MCTP1: variants seen among roughly 807,000 people sequenced by gnomAD.
MCTP1 encodes the protein multiple C2 and transmembrane domain-containing protein 1.
MCTP1 carries 69 observed loss-of-function variants against 120.6 expected under a neutral mutation model. That is an observed-to-expected ratio of 0.57 (90% CI 0.47 to 0.70). The LOEUF (loss-of-function observed/expected upper bound fraction) is 0.70. Ranked by LOEUF, MCTP1 falls within the 30% of genes least tolerant of loss-of-function variation. The probability of loss-of-function intolerance (pLI) is 0.00; values close to 1 mark genes in which losing one functional copy is unlikely to be tolerated. For synonymous variants in MCTP1, 529 were observed against 493.1 expected (o/e 1.07, Z -0.96); for missense variants, 1,203 against 1,248.8 (o/e 0.96, Z 0.55).
chr5:94,931,139 A>T (rs1245304137), intron 6 of MCTP1: 1 of 152,132 alleles, frequency 6.6e-6, no homozygotes, highest in Non-Finnish European at 1.5e-5. Context: ...TAAAAATGAC[A>T]AAATTAAAGA....
chr5:95,073,774 G>T (rs934963178), intron 1 of MCTP1, among the ~76,000 whole-genome samples: 9 of 152,104 alleles, frequency 5.9e-5, no homozygotes, highest in African/African-American at 2.2e-4. Flanking sequence ...AAGCATTCTT[G>T]GTGCCCCAGG....
chr5:95,216,956 A>G (rs960193330), intron 1 of MCTP1, among the ~76,000 whole-genome samples: 13 of 152,174 alleles, frequency 8.5e-5, no homozygotes, highest in South Asian at 4.1e-4. Flanking sequence ...GAAGATTTAA[A>G]TGTTTTTCAC....
intron 1 of MCTP1, among the ~76,000 whole-genome samples, chr5:95,096,698 C>A (rs1388321502): frequency 6.6e-6 from 1 of 152,132 alleles, no homozygotes; most frequent in African/African-American, 2.4e-5. Context: ...CTACATGAAA[C>A]AAATGGGAGC....
intron 1 of MCTP1, among the ~76,000 whole-genome samples, chr5:95,269,730 G>T (rs1759208203): frequency 1.3e-5 from 2 of 152,330 alleles, no homozygotes; most frequent in Middle Eastern, 3.4e-3. Flanking sequence ...GGCCTTGGTA[G>T]CAATCAGATG....
intron 1 of MCTP1, among the ~76,000 whole-genome samples, chr5:95,281,564 G>A (rs1452971158): frequency 6.6e-6 from 1 of 152,198 alleles, no homozygotes; most frequent in Admixed American, 6.5e-5. Flanking sequence ...CTGGGACTGT[G>A]TCTGGCATTG....
chr5:94,851,580 T>C (rs2153224756), intron 17 of MCTP1, among the ~76,000 whole-genome samples: 1 of 152,212 alleles, frequency 6.6e-6, no homozygotes, highest in South Asian at 2.1e-4. Context: ...CATGCTCAGG[T>C]TGCATAAGGA....
intron 2 of MCTP1, among the ~76,000 whole-genome samples, chr5:94,964,293 G>A (rs1825070151): frequency 6.6e-6 from 1 of 152,130 alleles, no homozygotes; most frequent in Non-Finnish European, 1.5e-5. Flanking sequence ...TGATCTAACT[G>A]GAGGATATTT....
chr5:95,045,323 T>C (rs778881133), intron 1 of MCTP1, among the ~76,000 whole-genome samples: 1 of 152,202 alleles, frequency 6.6e-6, no homozygotes, highest in African/African-American at 2.4e-5. Context: ...TGTTTCCTTA[T>C]CACAGTTTGG....
chr5:95,133,238 A>G (rs576011305), intron 1 of MCTP1, among the ~76,000 whole-genome samples: 1 of 152,362 alleles, frequency 6.6e-6, no homozygotes, highest in African/African-American at 2.4e-5. Context: ...CAAGACCCCC[A>G]CTGGATACTT....
At chr5:95,107,306 C>T (rs1223420649) in intron 1 of MCTP1, among the ~76,000 whole-genome samples, 3 of 152,090 alleles carry the variant, frequency 2.0e-5, no homozygotes, top group Non-Finnish European at 2.9e-5. Flanking sequence ...CTCTGGGGGA[C>T]ATAGTACTGA....
At chr5:94,748,111 GTT>G (rs1363911663) in intron 19 of MCTP1, among the ~76,000 whole-genome samples, 1 of 152,142 alleles carries the variant, frequency 6.6e-6, no homozygotes, top group Non-Finnish European at 1.5e-5. Context: ...CCATAAGGAA[GTT>G]TTGATACTAT....
chr5:94,883,675 T>G (rs1332185951), intron 12 of MCTP1, among the ~76,000 whole-genome samples: 2 of 152,208 alleles, frequency 1.3e-5, no homozygotes, highest in Admixed American at 6.5e-5. Context: ...TATCTAAGGC[T>G]GCATTTATCA....
intron 1 of MCTP1, among the ~76,000 whole-genome samples, chr5:95,046,439 G>T (rs1333006902): frequency 6.6e-6 from 1 of 152,070 alleles, no homozygotes. Context: ...CTTTTATTTG[G>T]ATGTTACTTC....
intron 17 of MCTP1, among the ~76,000 whole-genome samples, chr5:94,835,865 G>A (rs2153181420): frequency 6.6e-6 from 1 of 152,238 alleles, no homozygotes; most frequent in East Asian, 1.9e-4. Context: ...TTAGCCGGGT[G>A]TGGTGGTGGG....
chr5:94,758,807 A>C (rs1464711771), intron 19 of MCTP1, among the ~76,000 whole-genome samples: 1 of 152,192 alleles, frequency 6.6e-6, no homozygotes, highest in Non-Finnish European at 1.5e-5. Flanking sequence ...CATGGAGAAA[A>C]GTCTGCACAA....
intron 2 of MCTP1, among the ~76,000 whole-genome samples, chr5:94,966,658 G>T (rs972551083): frequency 6.6e-6 from 1 of 152,114 alleles, no homozygotes; most frequent in Non-Finnish European, 1.5e-5. Context: ...AACAAGGCGT[G>T]GTGGCGGGCA....
intron 2 of MCTP1, among the ~76,000 whole-genome samples, chr5:95,014,416 G>C (rs1562018712): frequency 6.6e-6 from 1 of 152,118 alleles, no homozygotes; most frequent in South Asian, 2.1e-4. Flanking sequence ...TAGATGTGGT[G>C]AAAATACCAA....
At chr5:95,171,105 G>T (rs972417170) in intron 1 of MCTP1, among the ~76,000 whole-genome samples, 9 of 151,954 alleles carry the variant, frequency 5.9e-5, no homozygotes, top group Admixed American at 5.9e-4. Flanking sequence ...GGGCAGGCCT[G>T]GTGGTGACAA....
intron 1 of MCTP1, among the ~76,000 whole-genome samples, chr5:95,149,401 G>C (rs1047372241): frequency 6.6e-6 from 1 of 152,130 alleles, no homozygotes; most frequent in African/African-American, 2.4e-5. Context: ...AGGGAGCAGG[G>C]GACACATGAT....
Sources: allele counts gnomAD v4.1 joint callset (sites outside exome capture counted in the v4.1 genomes callset), GRCh38; gene constraint gnomAD v4.1.1; transcripts MANE v1.5; gene names NCBI Gene and HGNC (gene_info 2026-07-23, HGNC 2026-07-21).